Variants in TRABD2B observed in about 807,000 individuals in gnomAD.
The protein encoded by TRABD2B is TraB domain containing 2B, also known as metalloprotease TIKI2.
A neutral mutation model predicts 40.1 loss-of-function variants in TRABD2B; 14 were observed. That is an observed-to-expected ratio of 0.35 (90% confidence interval 0.23 to 0.55). The LOEUF (loss-of-function observed/expected upper bound fraction) is 0.55, where lower values mean the gene tolerates loss of function less well. Ranked by LOEUF, TRABD2B falls within the 20% of genes least tolerant of loss-of-function variation. The pLI, the probability that TRABD2B is intolerant of heterozygous loss-of-function variation, is 0.90. For synonymous variants in TRABD2B, 263 were observed against 277.0 expected (o/e 0.95, Z 0.50); for missense variants, 541 against 648.6 (o/e 0.83, Z 1.80).
intron 2 of TRABD2B, among the ~76,000 whole-genome samples, chr1:47,843,388 G>A (rs1013177130): frequency 2.0e-5 from 3 of 152,192 alleles, no homozygotes; most frequent in African/African-American, 7.2e-5. Flanking sequence ...AGGGTCTGCT[G>A]ACCAACTGGA....
At chr1:47,843,164 AC>A (rs1392199800) in intron 2 of TRABD2B, among the ~76,000 whole-genome samples, 1 of 152,010 alleles carries the variant, frequency 6.6e-6, no homozygotes, top group Non-Finnish European at 1.5e-5. Flanking sequence ...CATCCTGAAG[AC>A]CCTTTTCCTT....
intron 2 of TRABD2B, among the ~76,000 whole-genome samples, chr1:47,936,543 CAGTTACAGAGGAGTGCTGT>C (rs1645109126): frequency 6.6e-6 from 1 of 152,144 alleles, no homozygotes; most frequent in African/African-American, 2.4e-5. Flanking sequence ...AGCGTATCTT[CAGTTACAGAGGAGTGCTGT>C]ACAGACAAAG....
intron 2 of TRABD2B, among the ~76,000 whole-genome samples, chr1:47,859,035 T>C (rs1643928276): frequency 6.6e-6 from 1 of 152,280 alleles, no homozygotes; most frequent in African/African-American, 2.4e-5. Context: ...TGAGCCTGCT[T>C]AGGGGTGGTC....
chr1:47,846,899 T>G (rs541055067), intron 2 of TRABD2B, among the ~76,000 whole-genome samples: 1 of 72,976 alleles, frequency 1.4e-5, no homozygotes, highest in Non-Finnish European at 3.2e-5. Flanking sequence ...CACACACAAA[T>G]GAGGGCTGGG....
intron 2 of TRABD2B, among the ~76,000 whole-genome samples, chr1:47,845,341 GATA>G (rs1420553630): frequency 6.6e-6 from 1 of 152,092 alleles, no homozygotes; most frequent in Non-Finnish European, 1.5e-5. Context: ...TTAATATTAG[GATA>G]ATAACAACAA....
At chr1:47,919,701 A>C (rs1019723456) in intron 2 of TRABD2B, among the ~76,000 whole-genome samples, 3 of 152,234 alleles carry the variant, frequency 2.0e-5, no homozygotes, top group Admixed American at 6.5e-5. Flanking sequence ...AGGGAAGAGA[A>C]CTTGCATGCC....
intron 4 of TRABD2B, among the ~76,000 whole-genome samples, chr1:47,786,438 C>G (rs1477824478): frequency 6.6e-6 from 1 of 152,204 alleles, no homozygotes; most frequent in Admixed American, 6.5e-5. Context: ...CTGGCTCCAG[C>G]TAGGGACAAG....
intron 2 of TRABD2B, among the ~76,000 whole-genome samples, chr1:47,811,006 A>G (rs1254224318): frequency 6.6e-6 from 1 of 152,184 alleles, no homozygotes; most frequent in African/African-American, 2.4e-5. Flanking sequence ...GAGAGCAGAA[A>G]GTGGATCTGG....
intron 3 of TRABD2B, among the ~76,000 whole-genome samples, chr1:47,797,435 C>T (rs1321719873): frequency 6.6e-6 from 1 of 152,092 alleles, no homozygotes; most frequent in Non-Finnish European, 1.5e-5. Flanking sequence ...AGGCAGCAGT[C>T]CACTTCCCCT....
intron 2 of TRABD2B, among the ~76,000 whole-genome samples, chr1:47,871,168 A>G (rs575679058): frequency 6.4e-4 from 98 of 152,316 alleles, no homozygotes; most frequent in South Asian, 1.7e-3. Context: ...ACTGAGGCAC[A>G]GTCACTTGCC....
At chr1:47,959,490 G>T (rs1033602972) in intron 2 of TRABD2B, among the ~76,000 whole-genome samples, 3 of 151,904 alleles carry the variant, frequency 2.0e-5, no homozygotes, top group Non-Finnish European at 4.4e-5. Context: ...AAGGAGAGAC[G>T]AATCAAATAG....
chr1:47,771,822 C>T (rs1049811134), intron 6 of TRABD2B, among the ~76,000 whole-genome samples: 1 of 152,210 alleles, frequency 6.6e-6, no homozygotes, highest in African/African-American at 2.4e-5. Flanking sequence ...CTTCTCTAAA[C>T]TTCCTCCAGT....
chr1:47,849,372 A>G (rs1430262548), intron 2 of TRABD2B, among the ~76,000 whole-genome samples: 1 of 152,222 alleles, frequency 6.6e-6, no homozygotes, highest in African/African-American at 2.4e-5. Flanking sequence ...GGAAGGCCCC[A>G]GAGGAAACCA....
At chr1:47,890,568 T>C (rs1644431155) in intron 2 of TRABD2B, among the ~76,000 whole-genome samples, 1 of 152,066 alleles carries the variant, frequency 6.6e-6, no homozygotes, top group South Asian at 2.1e-4. Context: ...TTCCTACTGC[T>C]GGGGGGGCCC....
rs543271552 is a variant in TRABD2B at position 47,783,333 on chromosome 1, G to C, written c.989-4789C>G. 2.0e-5 allele frequency among the ~76,000 whole-genome samples: 3 copies of C among 152,002 alleles called. No individual in the cohort carries two copies. In the East Asian group the frequency reaches 5.8e-4, roughly 29 times the overall value. ...GATACAAAGACACAGAGACAGAGAG[G>C]TAAGGAGAGAAGGGAGAAAGAGGAG... On this transcript the variant is annotated intron_variant, in intron 4 of 6. Transcript: ENST00000606738.
chr1:47,793,025 T>C (rs889538403), intron 4 of TRABD2B, among the ~76,000 whole-genome samples: 2 of 152,080 alleles, frequency 1.3e-5, no homozygotes, highest in African/African-American at 4.8e-5. Flanking sequence ...AAAGCTGTCC[T>C]GACTCACACC....
At chr1:47,937,961 AG>A (rs1349818026) in intron 2 of TRABD2B, among the ~76,000 whole-genome samples, 1 of 152,180 alleles carries the variant, frequency 6.6e-6, no homozygotes, top group Non-Finnish European at 1.5e-5. Context: ...AAAAACTCCT[AG>A]CTCCCCACCT....
At chr1:47,948,985 A>C (rs1056994343) in intron 2 of TRABD2B, among the ~76,000 whole-genome samples, 2 of 152,132 alleles carry the variant, frequency 1.3e-5, no homozygotes, top group Non-Finnish European at 2.9e-5. Flanking sequence ...ACTGACATTA[A>C]CCATATTTTA....
chr1:47,853,933 C>T (rs1228432307), intron 2 of TRABD2B, among the ~76,000 whole-genome samples: 1 of 152,238 alleles, frequency 6.6e-6, no homozygotes. Context: ...ATGGCTCCCA[C>T]TGCCTGCAGC....
Sources: allele counts gnomAD v4.1 joint callset (sites outside exome capture counted in the v4.1 genomes callset), GRCh38; gene constraint gnomAD v4.1.1; transcripts MANE v1.5; gene names NCBI Gene and HGNC (gene_info 2026-07-23, HGNC 2026-07-21).